EXOSC4: variants seen among roughly 807,000 people sequenced by gnomAD.
EXOSC4 encodes exosome component 4, also known as exosome complex component RRP41.
A neutral mutation model predicts 20.0 loss-of-function variants in EXOSC4; 14 were observed. The ratio of observed to expected loss-of-function variants is 0.70; its 90% CI spans 0.46 to 1.09. EXOSC4 has a LOEUF of 1.09. EXOSC4 is among the 50% of genes least tolerant of loss of function. EXOSC4 has a pLI of 0.00. For synonymous variants in EXOSC4, 148 were observed against 146.4 expected (o/e 1.01, Z -0.08); for missense variants, 337 against 334.0 (o/e 1.01, Z -0.07).
chr8:144,080,121 C>G lies in EXOSC4; in HGVS notation c.350C>G (p.Pro117Arg), dbSNP rs1167857129. ...GCAGCCATCCTCACACAGCTGCACCCACGCTCCCAGATTGATATCTATGTG... is the reference window on the plus strand; with the variant it reads ...GCAGCCATCCTCACACAGCTGCACCGACGCTCCCAGATTGATATCTATGTG... The part of the protein sequence containing the change: ...FEAAILTQLH[P>R]RSQIDIYVQV... Residue 117 changes from proline to arginine, a missense_variant, in exon 2 of 3, where the codon CCA becomes CGA. Physicochemically the swap from Pro to Arg is moderately radical, Grantham distance 103. Transcript: ENST00000316052. The surrounding 1 kb of genome is among the most constrained non-coding windows in gnomAD (Gnocchi z 4.9). 1 of 1,613,404 alleles carries G rather than the reference C, an allele frequency of 6.2e-7. No individual in the cohort carries two copies. The highest frequency in any genetic ancestry group is 8.5e-7 in the Non-Finnish European group (1 of 1,179,536).
the EXOSC4 span, among the ~76,000 whole-genome samples, chr8:144,064,744 C>T: frequency 6.6e-6 from 1 of 152,214 alleles, no homozygotes; most frequent in African/African-American, 2.4e-5. Context: ...TAAAGACACA[C>T]CTCCCCAGGG....
the EXOSC4 span, among the ~76,000 whole-genome samples, chr8:144,072,107 T>TA: frequency 6.6e-6 from 1 of 152,262 alleles, no homozygotes; most frequent in African/African-American, 2.4e-5. Flanking sequence ...GTCACCTGGG[T>TA]ATGTGTCATT....
At chr8:144,076,296 C>T (rs1331456210), upstream of EXOSC4, among the ~76,000 whole-genome samples, 9 of 152,174 alleles carry the variant, frequency 5.9e-5, no homozygotes, top group African/African-American at 2.2e-4. Flanking sequence ...ATCCCATGCA[C>T]CTTTTCTCTT....
the EXOSC4 span, among the ~76,000 whole-genome samples, chr8:144,071,533 C>G: frequency 6.7e-6 from 1 of 148,806 alleles, no homozygotes; most frequent in Non-Finnish European, 1.5e-5. Flanking sequence ...TCTCGAACTC[C>G]TGACCTCCCG....
At chr8:144,070,811 A>G in the EXOSC4 span, among the ~76,000 whole-genome samples, 1 of 151,974 alleles carries the variant, frequency 6.6e-6, no homozygotes, top group Non-Finnish European at 1.5e-5. Flanking sequence ...CTGGGCAACA[A>G]CAGCAAAACT....
chr8:144,078,800 G>A lies in EXOSC4; in HGVS notation c.72G>A (p.Lys24=), dbSNP rs1207516237. Residue 24 remains lysine, a synonymous_variant, in exon 1 of 3, where the codon AAG becomes AAA. Coordinates refer to ENST00000316052, the MANE Select transcript of EXOSC4 (RefSeq NM_019037.3). The surrounding 1 kb of genome is among the most constrained non-coding windows in gnomAD (Gnocchi z 4.7). ...VDGRRAGELR[K]IQARMGVFAQ... ...GGCGGCGCGCCGGGGAGCTGCGCAAGATCCAGGCGCGGATGGGCGTGTTCG... is the reference window on the plus strand; with the variant it reads ...GGCGGCGCGCCGGGGAGCTGCGCAAAATCCAGGCGCGGATGGGCGTGTTCG... 1 of 1,571,514 alleles carries A rather than the reference G, an allele frequency of 6.4e-7. No homozygotes were observed. The highest frequency in any genetic ancestry group is 1.8e-5 in the Admixed American group (1 of 54,800).
chr8:144,078,950 C>T lies in EXOSC4; in HGVS notation c.171+51C>T. 2.8e-6 allele frequency: 4 copies of T among 1,405,922 alleles called. No homozygotes were observed. The highest frequency in any genetic ancestry group is 2.8e-6 in the Non-Finnish European group (3 of 1,078,374). 87.1% of individuals were successfully genotyped at this position (1,405,922 alleles called of 1,614,324 possible). On this transcript the variant is annotated intron_variant, in intron 1 of 2. Transcript: ENST00000316052. The surrounding 1 kb of genome is among the most constrained non-coding windows in gnomAD (Gnocchi z 4.7). ...TCGTGTGGCCGTGGGAGCTGCGGGG[C>T]AGCCGGGCTGAGCGCTGGCTCGGGG...
Position 144,078,736 on chromosome 8 carries a change from G to C in EXOSC4, c.8G>C (p.Gly3Ala). ...ACCTGGCGGCCGGGCAGCATGGCGG[G>C]GCTGGAGCTCTTGTCGGACCAGGGC... is the stretch of plus-strand genomic sequence containing the variant. MAGLELLSDQGYR... is the reference protein window; with the variant it reads MAALELLSDQGYR... The change falls in exon 1 of 3, where the codon GGG becomes GCG. Residue 3 changes from glycine to alanine, a missense_variant. Transcript: ENST00000316052. The surrounding 1 kb of genome is among the most constrained non-coding windows in gnomAD (Gnocchi z 4.7). 1 of 1,466,834 alleles carries C rather than the reference G, an allele frequency of 6.8e-7. No homozygotes were observed. The highest frequency in any genetic ancestry group is 9.0e-7 in the Non-Finnish European group (1 of 1,106,612). 90.9% of individuals were successfully genotyped at this position (1,466,834 alleles called of 1,614,324 possible).
the EXOSC4 span, among the ~76,000 whole-genome samples, chr8:144,066,858 C>T: frequency 3.3e-4 from 50 of 152,122 alleles, no homozygotes; most frequent in African/African-American, 1.1e-3. Context: ...GAAGCCGAGG[C>T]GGGCGGATCA....
chr8:144,078,640 T>G (rs1328421154), upstream of EXOSC4: 1 of 1,306,818 alleles, frequency 7.7e-7, no homozygotes, highest in Non-Finnish European at 9.9e-7. The surrounding 1 kb of genome is among the most constrained non-coding windows in gnomAD (Gnocchi z 4.7). Context: ...CCGGAAACCG[T>G]AGATTCCGGG....
chr8:144,073,570 C>T, the EXOSC4 span, among the ~76,000 whole-genome samples: 4 of 151,344 alleles, frequency 2.6e-5, no homozygotes, highest in African/African-American at 7.3e-5. Flanking sequence ...TACTAACGAC[C>T]GGCCGGGTGT....
In EXOSC4 at chr8:144,080,260, G is replaced by A; in HGVS notation, c.397G>A (p.Gly133Arg). ...CCTGCAGGTGCTACAGGCAGATGGTGGGACCTATGCAGCTTGTGTGAATGC... is the reference window on the plus strand; with the variant it reads ...CCTGCAGGTGCTACAGGCAGATGGTAGGACCTATGCAGCTTGTGTGAATGC... Reference protein sequence around the residue: ...IYVQVLQADGGTYAACVNAAT... With the variant: ...IYVQVLQADGRTYAACVNAAT... The change falls in exon 3 of 3, where the codon GGG becomes AGG. Residue 133 changes from glycine to arginine, a missense_variant. Physicochemically the swap from Gly to Arg is moderately radical, Grantham distance 125 (BLOSUM62 -2). Transcript: ENST00000316052. The surrounding 1 kb of genome is among the most constrained non-coding windows in gnomAD (Gnocchi z 4.9). 7 of 1,613,728 alleles carry A rather than the reference G, an allele frequency of 4.3e-6. No individual in the cohort carries two copies. The highest frequency in any genetic ancestry group is 5.9e-6 in the Non-Finnish European group (7 of 1,179,904).
chr8:144,064,991 G>A, the EXOSC4 span, among the ~76,000 whole-genome samples: 3 of 152,112 alleles, frequency 2.0e-5, no homozygotes, highest in African/African-American at 7.2e-5. Flanking sequence ...ACAAGTGCCC[G>A]CAACCACGCC....
the EXOSC4 span, among the ~76,000 whole-genome samples, chr8:144,064,269 G>A: frequency 6.6e-6 from 1 of 152,192 alleles, no homozygotes; most frequent in Non-Finnish European, 1.5e-5. Context: ...GCAGGCTTCC[G>A]CACCCACCCG....
the EXOSC4 span, among the ~76,000 whole-genome samples, chr8:144,067,930 C>T: frequency 6.6e-6 from 1 of 152,218 alleles, no homozygotes; most frequent in Non-Finnish European, 1.5e-5. Flanking sequence ...CGCTTGAACC[C>T]AAGAGGCGGA....
the EXOSC4 span, among the ~76,000 whole-genome samples, chr8:144,067,090 A>T: frequency 6.6e-6 from 1 of 152,140 alleles, no homozygotes; most frequent in Non-Finnish European, 1.5e-5. Flanking sequence ...TCTGTCTCAA[A>T]AACAAAAAAA....
chr8:144,072,686 C>T, the EXOSC4 span, among the ~76,000 whole-genome samples: 13 of 152,232 alleles, frequency 8.5e-5, no homozygotes, highest in African/African-American at 3.1e-4. Flanking sequence ...GCTTATTTCA[C>T]TTAACATAAT....
chr8:144,080,403 T>C lies in EXOSC4; in HGVS notation c.540T>C (p.Ala180=). Residue 180 remains alanine (A), a synonymous_variant, in exon 3 of 3, where the codon GCT becomes GCC. Transcript: ENST00000316052. The surrounding 1 kb of genome is among the most constrained non-coding windows in gnomAD (Gnocchi z 4.9). ...ACCTCAGCCATGTGGAGGAAGCAGC[T>C]GGTGGCCCCCAGCTGGCCCTGGCCC... ...LADLSHVEEA[A]GGPQLALALL... is the part of the protein sequence containing the mutation. The C allele has an allele frequency of 6.2e-7, 1 of 1,611,550 alleles. No individual in the cohort carries two copies. Among genetic ancestry groups the C allele is most frequent in the Non-Finnish European group, 8.5e-7 (1 of 1,180,002 alleles).
At chr8:144,073,606 A>G in the EXOSC4 span, among the ~76,000 whole-genome samples, 1 of 152,048 alleles carries the variant, frequency 6.6e-6, no homozygotes. Flanking sequence ...TAATCCCACC[A>G]CTTTGGGAGG....
Sources: allele counts gnomAD v4.1 joint callset (sites outside exome capture counted in the v4.1 genomes callset), GRCh38; gene constraint gnomAD v4.1.1; non-coding constraint Gnocchi (gnomAD v3.1); transcripts MANE v1.5; gene names NCBI Gene and HGNC (gene_info 2026-07-23, HGNC 2026-07-21).